Variants in PDE4D observed in about 807,000 individuals in gnomAD.
PDE4D encodes 3',5'-cyclic-AMP phosphodiesterase 4D.
In PDE4D, 24 loss-of-function variants were observed where a neutral mutation model predicts 87.4. That is an observed-to-expected ratio of 0.27 (90% CI 0.20 to 0.39). The LOEUF (loss-of-function observed/expected upper bound fraction) is 0.39, where lower values mean the gene tolerates loss of function less well. Among genes scored for constraint, PDE4D ranks in the 10% least tolerant of loss-of-function variants. PDE4D has a pLI of 1.00. For synonymous variants in PDE4D, 384 were observed against 383.2 expected (o/e 1.00, Z -0.02); for missense variants, 714 against 1,041.0 (o/e 0.69, Z 4.32).
intron 1 of PDE4D, among the ~76,000 whole-genome samples, chr5:59,393,002 G>A (rs751373569): frequency 1.1e-4 from 16 of 152,090 alleles, no homozygotes; most frequent in Non-Finnish European, 2.2e-4. Flanking sequence ...TTGAAGAAAG[G>A]ATTAATTGAA....
intron 1 of PDE4D, among the ~76,000 whole-genome samples, chr5:59,886,915 C>T (rs78094122): frequency 0.056 from 8,411 of 150,532 alleles, 303 homozygotes; most frequent in African/African-American, 0.1. Context: ...AACTGGTAGC[C>T]TGGGGTGAAA....
In PDE4D at chr5:58,975,263, G is replaced by T. The variant is rs1580014641; in HGVS notation, c.2014-183C>A. Among the ~76,000 whole-genome samples, 1 of 151,996 alleles carries T rather than the reference G, an allele frequency of 6.6e-6. No homozygotes were observed. Among genetic ancestry groups the T allele is most frequent in the Non-Finnish European group, 1.5e-5 (1 of 68,008 alleles). On this transcript the variant is annotated intron_variant, in intron 14 of 14. Coordinates refer to ENST00000340635, the MANE Select transcript of PDE4D (RefSeq NM_001104631.2). The surrounding 1 kb of genome is among the most constrained non-coding windows in gnomAD (Gnocchi z 4.2). ...TAAAGTAAAGTATTGCTACTAGCTG[G>T]TCAAAATTAGCTTCTAGAACCTTTG...
At chr5:59,517,403 G>A (rs1179833943) in intron 1 of PDE4D, among the ~76,000 whole-genome samples, 1 of 152,176 alleles carries the variant, frequency 6.6e-6, no homozygotes. Flanking sequence ...GGTTTTTAAA[G>A]ATCAAATGCC....
At chr5:59,411,073 G>A (rs1792597637) in intron 1 of PDE4D, among the ~76,000 whole-genome samples, 1 of 152,152 alleles carries the variant, frequency 6.6e-6, no homozygotes, top group East Asian at 1.9e-4. Flanking sequence ...TCCTAGCTGA[G>A]CAGGGTGAGA....
intron 6 of PDE4D, among the ~76,000 whole-genome samples, chr5:59,036,691 T>C (rs1342780128): frequency 6.6e-6 from 1 of 152,226 alleles, no homozygotes; most frequent in African/African-American, 2.4e-5. Context: ...AGCTTAGCAC[T>C]GATTTAGAAA....
intron 3 of PDE4D, among the ~76,000 whole-genome samples, chr5:59,974,248 G>T (rs552668609): frequency 3.9e-5 from 6 of 152,138 alleles, no homozygotes; most frequent in Non-Finnish European, 7.4e-5. Flanking sequence ...GAAAGCAATA[G>T]TGTTTAATTC....
intron 1 of PDE4D, among the ~76,000 whole-genome samples, chr5:59,280,209 C>G (rs1253338117): frequency 6.6e-6 from 1 of 152,032 alleles, no homozygotes; most frequent in Non-Finnish European, 1.5e-5. Context: ...ACCTATGCAA[C>G]AGATGACATT....
At chr5:59,273,385 T>C (rs1445952) in intron 1 of PDE4D, among the ~76,000 whole-genome samples, 35,110 of 151,964 alleles carry the variant, frequency 0.23, 4,419 homozygotes, top group Admixed American at 0.36. Context: ...ATTTTCTCTA[T>C]ATACCAAATC....
intron 1 of PDE4D, among the ~76,000 whole-genome samples, chr5:60,213,609 C>A (rs879671413): frequency 2.6e-5 from 4 of 152,170 alleles, no homozygotes; most frequent in Non-Finnish European, 5.9e-5. Flanking sequence ...TCTCTTCCCC[C>A]GTTGACAACA....
At chr5:60,118,373 T>C (rs1778358395) in intron 2 of PDE4D, among the ~76,000 whole-genome samples, 1 of 152,126 alleles carries the variant, frequency 6.6e-6, no homozygotes, top group Non-Finnish European at 1.5e-5. Flanking sequence ...ACTTGAGGGT[T>C]TGATGAAGTT....
chr5:59,083,849 T>C (rs1236896587), intron 5 of PDE4D, among the ~76,000 whole-genome samples: 1 of 152,102 alleles, frequency 6.6e-6, no homozygotes, highest in Non-Finnish European at 1.5e-5. Flanking sequence ...CTGGTGATCC[T>C]TTCTTGACTG....
In PDE4D at chr5:59,769,074, CTCT is replaced by C. The variant is rs535158419; in HGVS notation, c.455+124091_455+124093del. 8.4e-4 allele frequency among the ~76,000 whole-genome samples: 122 copies of C among 145,990 alleles called. 1 individual carries two copies. Among genetic ancestry groups the C allele is most frequent in the African/African-American group, 1.5e-3 (60 of 39,836 alleles). On this transcript the variant is annotated intron_variant, in intron 1 of 14. Transcript: ENST00000340635. ...AAATGCCAATCCTTTGTTTTTTTCT[CTCT>C]TTTTTTTTTAATAAGGGAAGAATAA...
chr5:59,673,095 G>A (rs1465271269), intron 1 of PDE4D, among the ~76,000 whole-genome samples: 1 of 152,198 alleles, frequency 6.6e-6, no homozygotes, highest in Non-Finnish European at 1.5e-5. Context: ...CTTCACGAGT[G>A]TATATCTTTG....
chr5:59,142,329 T>C (rs1200387152), intron 5 of PDE4D, among the ~76,000 whole-genome samples: 1 of 152,116 alleles, frequency 6.6e-6, no homozygotes, highest in Non-Finnish European at 1.5e-5. Flanking sequence ...TGCTTTCTTT[T>C]CTCCCCAACC....
At chr5:58,990,976 T>C (rs1024455038) in intron 8 of PDE4D, 74 bp from the exon 9 acceptor site, 23 of 879,806 alleles carry the variant, frequency 2.6e-5, no homozygotes, top group Admixed American at 9.4e-5. Context: ...AACACAATCA[T>C]TTAAAAATTA....
intron 2 of PDE4D, among the ~76,000 whole-genome samples, chr5:60,077,908 A>T (rs1773492901): frequency 6.6e-6 from 1 of 152,102 alleles, no homozygotes; most frequent in South Asian, 2.1e-4. Context: ...GGGACCAGGA[A>T]CCGGTCCTGG....
chr5:59,643,238 A>C (rs2150202799), intron 1 of PDE4D, among the ~76,000 whole-genome samples: 1 of 152,238 alleles, frequency 6.6e-6, no homozygotes, highest in South Asian at 2.1e-4. Flanking sequence ...CTGACCTGAA[A>C]GTCTCCCTAA....
At chr5:59,198,642 G>A (rs1302770696) in intron 2 of PDE4D, among the ~76,000 whole-genome samples, 1 of 152,186 alleles carries the variant, frequency 6.6e-6, no homozygotes, top group Admixed American at 6.5e-5. Context: ...GTTGAAAGCA[G>A]GAGAATACAG....
intron 1 of PDE4D, among the ~76,000 whole-genome samples, chr5:60,319,760 T>C (rs995668548): frequency 3.3e-5 from 5 of 152,226 alleles, no homozygotes; most frequent in African/African-American, 9.6e-5. Context: ...CCAGACCCTG[T>C]TTCCCTGGGT....
Sources: allele counts gnomAD v4.1 joint callset (sites outside exome capture counted in the v4.1 genomes callset), GRCh38; gene constraint gnomAD v4.1.1; non-coding constraint Gnocchi (gnomAD v3.1); transcripts MANE v1.5; gene names NCBI Gene and HGNC (gene_info 2026-07-23, HGNC 2026-07-21).